Variants in FARP1 observed in about 807,000 individuals in gnomAD.
FARP1 encodes the protein FERM, ARHGEF and pleckstrin domain-containing protein 1.
Under a neutral mutation model 128.8 loss-of-function variants are expected in FARP1, and 52 were observed. That is an observed-to-expected ratio of 0.40 (90% CI 0.32 to 0.51). FARP1 has a LOEUF of 0.51. FARP1 is among the 20% of genes least tolerant of loss of function. FARP1 has a pLI of 0.45. For synonymous variants in FARP1, 580 were observed against 551.8 expected, an observed-to-expected ratio of 1.05 and a Z score of -0.72; for missense variants, 1,333 against 1,367.9, an observed-to-expected ratio of 0.97 and a Z score of 0.40.
At chr13:98,341,857 C>CAGTA (rs1170356505) in intron 2 of FARP1, among the ~76,000 whole-genome samples, 1 of 152,000 alleles carries the variant, frequency 6.6e-6, no homozygotes, top group Non-Finnish European at 1.5e-5. Flanking sequence ...CCTATAGATC[C>CAGTA]AGTATGTAGA....
chr13:98,421,412 T>C (rs1891587193), intron 16 of FARP1, among the ~76,000 whole-genome samples: 1 of 152,232 alleles, frequency 6.6e-6, no homozygotes. Context: ...TGCTTGTTAC[T>C]GATGGAAGCC....
chr13:98,367,402 G>C (rs1889135578), intron 4 of FARP1, among the ~76,000 whole-genome samples: 1 of 151,978 alleles, frequency 6.6e-6, no homozygotes, highest in Admixed American at 6.6e-5. Context: ...GCCCACCTCA[G>C]CCTCCCAAAT....
intron 24 of FARP1, among the ~76,000 whole-genome samples, chr13:98,443,668 G>GT (rs1892626384): frequency 2.0e-5 from 3 of 152,244 alleles, no homozygotes; most frequent in Non-Finnish European, 2.9e-5. Flanking sequence ...CGGCAGGCCT[G>GT]GGGGCTCCCA....
intron 5 of FARP1, among the ~76,000 whole-genome samples, chr13:98,368,542 G>A (rs940472886): frequency 3.9e-5 from 6 of 152,146 alleles, no homozygotes; most frequent in Non-Finnish European, 5.9e-5. Context: ...TGTCTTTGCC[G>A]CTGCCATGGG....
At chr13:98,143,062 C>G (rs1439856425), upstream of FARP1, 1 of 148,062 alleles carries the variant, frequency 6.8e-6, no homozygotes. Flanking sequence ...GCCGAGGGGC[C>G]GGCCCAGACC....
At chr13:98,351,141 G>A (rs953061224) in intron 3 of FARP1, among the ~76,000 whole-genome samples, 1 of 151,858 alleles carries the variant, frequency 6.6e-6, no homozygotes, top group Admixed American at 6.6e-5. Flanking sequence ...GCCCAGCCCT[G>A]GTACTTCCTT....
intron 2 of FARP1, among the ~76,000 whole-genome samples, chr13:98,233,117 C>A (rs928140234): frequency 6.6e-6 from 1 of 152,170 alleles, no homozygotes; most frequent in African/African-American, 2.4e-5. Flanking sequence ...AGCATCTCAT[C>A]CAGACCATCT....
At chr13:98,334,575 A>C (rs1887660788) in intron 2 of FARP1, among the ~76,000 whole-genome samples, 1 of 152,230 alleles carries the variant, frequency 6.6e-6, no homozygotes, top group Non-Finnish European at 1.5e-5. Flanking sequence ...AGCATAAAAT[A>C]GCATCTCTAG....
At chr13:98,422,822 C>T (rs898550989) in intron 16 of FARP1, among the ~76,000 whole-genome samples, 6 of 152,158 alleles carry the variant, frequency 3.9e-5, no homozygotes, top group Admixed American at 1.3e-4. Flanking sequence ...AGCCATTTCT[C>T]GCGTTGCCGG....
In FARP1 at chr13:98,446,142, CGGGT is replaced by C; in HGVS notation, c.2844_2847del (p.Trp949ArgfsTer74). The C allele has an allele frequency of 6.2e-7, 1 of 1,614,044 alleles. No homozygotes were observed. The highest frequency in any genetic ancestry group is 8.5e-7 in the Non-Finnish European group (1 of 1,179,902). On this transcript the variant is annotated frameshift_variant, in exon 25 of 27. Coordinates refer to ENST00000319562, the MANE Select transcript of FARP1 (RefSeq NM_005766.4). LOFTEE classifies it high-confidence loss of function. ...TGCTGAGGAAATTCAAAAACAGCAA[CGGGT>C]GGCAGAAGCTGTGGGTGGTGTTCAC...
chr13:98,435,900 C>T (rs1308760809), intron 19 of FARP1, 194 bp downstream of exon 19: 1 of 689,006 alleles, frequency 1.5e-6, no homozygotes, highest in Admixed American at 2.0e-5. Flanking sequence ...ATAAAGCAAT[C>T]CTCTGACCTC....
At chr13:98,346,015 A>G (rs187282466) in intron 3 of FARP1, among the ~76,000 whole-genome samples, 5 of 152,190 alleles carry the variant, frequency 3.3e-5, no homozygotes, top group African/African-American at 1.2e-4. Context: ...GAGGAAGTTA[A>G]GCCTTAAAGA....
intron 1 of FARP1, among the ~76,000 whole-genome samples, chr13:98,158,998 T>G (rs1165108494): frequency 2.6e-5 from 4 of 152,242 alleles, no homozygotes; most frequent in Middle Eastern, 3.4e-3. Flanking sequence ...TCCTAAAGAT[T>G]GAGCAGAAAA....
chr13:98,394,380 A>G (rs1339928594), intron 12 of FARP1, among the ~76,000 whole-genome samples: 1 of 152,180 alleles, frequency 6.6e-6, no homozygotes, highest in African/African-American at 2.4e-5. Flanking sequence ...GTATAAGCAA[A>G]CATGTCCTTT....
At chr13:98,415,373 T>G (rs1012273144) in intron 16 of FARP1, among the ~76,000 whole-genome samples, 1 of 152,240 alleles carries the variant, frequency 6.6e-6, no homozygotes, top group African/African-American at 2.4e-5. Context: ...TTGGTTTGCA[T>G]GCCATAGACT....
chr13:98,193,766 C>T (rs1879392617), intron 1 of FARP1, among the ~76,000 whole-genome samples: 2 of 152,168 alleles, frequency 1.3e-5, no homozygotes, highest in South Asian at 4.2e-4. Flanking sequence ...CTCTAACAGT[C>T]TCCTTATCTC....
intron 1 of FARP1, among the ~76,000 whole-genome samples, chr13:98,200,680 C>T (rs769521176): frequency 8.6e-5 from 13 of 152,036 alleles, no homozygotes; most frequent in African/African-American, 2.2e-4. Flanking sequence ...CCCCTGCCCT[C>T]GGGACTCCCT....
chr13:98,453,030 C>T lies in FARP1; in HGVS notation c.*4713C>T. The T allele has an allele frequency of 1.2e-6, 1 of 838,592 alleles. No homozygotes were observed. Among genetic ancestry groups the T allele is most frequent in the South Asian group, 1.7e-5 (1 of 59,552 alleles). 51.9% of individuals were successfully genotyped at this position (838,592 alleles called of 1,614,324 possible). A position where few individuals can be genotyped will look rare whatever the true frequency, so the allele number is the denominator to read the frequency against. On this transcript the variant is annotated 3_prime_UTR_variant, in exon 27 of 27. Transcript: ENST00000319562. ...CAGCACAGTGAAGACTGTGTGTGTCCCTGGACGGGCGCCTGGCGCTGGGGT... is the reference window on the plus strand; with the variant it reads ...CAGCACAGTGAAGACTGTGTGTGTCTCTGGACGGGCGCCTGGCGCTGGGGT...
At chr13:98,199,656 T>G (rs1452443087) in intron 1 of FARP1, among the ~76,000 whole-genome samples, 2 of 152,338 alleles carry the variant, frequency 1.3e-5, no homozygotes, top group Middle Eastern at 3.4e-3. Context: ...TGGTGTCGAT[T>G]AGAGAAGACT....
Sources: allele counts gnomAD v4.1 joint callset (sites outside exome capture counted in the v4.1 genomes callset), GRCh38; gene constraint gnomAD v4.1.1; transcripts MANE v1.5; gene names NCBI Gene and HGNC (gene_info 2026-07-23, HGNC 2026-07-21).